The following ELP6 variants were observed in gnomAD, a reference collection of about 807,000 sequenced individuals.
The protein encoded by ELP6 is elongator complex protein 6.
A neutral mutation model predicts 28.1 loss-of-function variants in ELP6; 23 were observed. The observed-to-expected ratio is 0.82, with a 90% CI of 0.59 to 1.16. The LOEUF is 1.16. Ranked by LOEUF, ELP6 falls within the 50% of genes most tolerant of loss-of-function variation. ELP6 has a pLI of 0.00. For synonymous variants in ELP6, 132 were observed against 135.8 expected (o/e 0.97, Z 0.19); for missense variants, 313 against 334.6 (o/e 0.94, Z 0.50).
chr3:47,508,023 A>G (rs559902112), intron 3 of ELP6, among the ~76,000 whole-genome samples: 42 of 82,884 alleles, frequency 5.1e-4, no homozygotes, highest in African/African-American at 1.6e-3. Flanking sequence ...GCCATGCTGC[A>G]GAGCCCTGGA....
Position 47,499,689 on chromosome 3 carries a change from G to A in ELP6, c.526-1257C>T, listed in dbSNP as rs747343979. On this transcript the variant is annotated intron_variant, in intron 5 of 6. Transcript: ENST00000296149. ...GCCTGGGCAACAAGAGCAAAACTCCGTCTCAAAAAAAAAAAAAAAAAAAAA... is the reference window on the plus strand; with the variant it reads ...GCCTGGGCAACAAGAGCAAAACTCCATCTCAAAAAAAAAAAAAAAAAAAAA... The A allele has an allele frequency of 3.6e-3, 2,726 of 761,418 alleles. 7 individuals carry two copies. The highest frequency in any genetic ancestry group is 8.9e-3 in the Admixed American group (42 of 4,698). 47.2% of individuals were successfully genotyped at this position (761,418 alleles called of 1,614,324 possible).
At chr3:47,513,135 C>A (rs1048113317) in intron 1 of ELP6, 2 of 845,944 alleles carry the variant, frequency 2.4e-6, no homozygotes, top group African/African-American at 1.8e-5. Flanking sequence ...AGATTACAGG[C>A]ATGAGCCACC....
intron 5 of ELP6, chr3:47,499,774 C>T: frequency 1.9e-6 from 2 of 1,046,366 alleles, no homozygotes; most frequent in Non-Finnish European, 2.3e-6. Context: ...AGCAGCATGG[C>T]CAGGCCGGGG....
At chr3:47,500,035 A>G (rs1708601367) in intron 5 of ELP6, 1 of 1,289,314 alleles carries the variant, frequency 7.8e-7, no homozygotes, top group African/African-American at 1.5e-5. Flanking sequence ...GCTCTCGCAC[A>G]TCCATGCTTT....
intron 4 of ELP6, among the ~76,000 whole-genome samples, chr3:47,502,759 G>A (rs188162692): frequency 9.9e-5 from 15 of 152,100 alleles, no homozygotes; most frequent in Non-Finnish European, 1.6e-4. Context: ...AGGAGTGCTT[G>A]AGCCGAGGAA....
At chr3:47,510,537 T>C (rs1486487671) in intron 2 of ELP6, among the ~76,000 whole-genome samples, 2 of 152,188 alleles carry the variant, frequency 1.3e-5, no homozygotes, top group Non-Finnish European at 2.9e-5. Context: ...GGCACAATCA[T>C]GGCTCACTGC....
chr3:47,499,518 CAAA>C (rs36125510), intron 5 of ELP6, among the ~76,000 whole-genome samples: 2 of 17,002 alleles, frequency 1.2e-4, no homozygotes, highest in South Asian at 3.4e-3. Flanking sequence ...GAGTCCATCT[CAAA>C]AAAAAAAAAA....
chr3:47,509,063 C>A (rs1274945105), intron 3 of ELP6, among the ~76,000 whole-genome samples: 1 of 151,676 alleles, frequency 6.6e-6, no homozygotes, highest in African/African-American at 2.4e-5. Context: ...CGTGCCCAGC[C>A]TTTTTTTTCC....
At chr3:47,501,628 G>A in intron 5 of ELP6, 22 bp downstream of exon 5, 10 of 1,612,600 alleles carry the variant, frequency 6.2e-6, no homozygotes, top group Non-Finnish European at 8.5e-6. Context: ...GGTGGGCGCA[G>A]AGAAGGCAGT....
At chr3:47,512,506 G>T in intron 1 of ELP6, 1 of 656,354 alleles carries the variant, frequency 1.5e-6, no homozygotes, top group Non-Finnish European at 1.9e-6. Flanking sequence ...AGCCGAGATC[G>T]CGCCAGTGCA....
At chr3:47,503,182 T>C (rs932705668) in intron 4 of ELP6, 85 of 1,153,026 alleles carry the variant, frequency 7.4e-5, no homozygotes, top group Non-Finnish European at 8.7e-5. Flanking sequence ...AAGTCAGAGA[T>C]GCTAAGGGAT....
Position 47,496,112 on chromosome 3 carries a change from C to A in ELP6, c.758G>T (p.Ser253Ile). The change falls in exon 7 of 7, where the codon AGC becomes ATC. Residue 253 changes from serine to isoleucine, a missense_variant. Ser to Ile is a moderately radical substitution (Grantham distance 142, BLOSUM62 -2). Coordinates refer to ENST00000296149, the MANE Select transcript of ELP6 (RefSeq NM_001031703.3). Reference sequence around the variant, plus strand: ...CATTCCTTTGGCAAAAAAGGACACGCTTTTGTCCTGTATCTTATACTGGTA... The same window carrying A: ...CATTCCTTTGGCAAAAAAGGACACGATTTTGTCCTGTATCTTATACTGGTA... ...FTYQYKIQDKSVSFFAKGMSP... is the reference protein window; with the variant it reads ...FTYQYKIQDKIVSFFAKGMSP... 2 of 1,614,156 alleles carry A rather than the reference C, an allele frequency of 1.2e-6. No individual in the cohort carries two copies. The highest frequency in any genetic ancestry group is 1.7e-6 in the Non-Finnish European group (2 of 1,180,026).
At chr3:47,500,370 T>A (rs1327665599) in intron 5 of ELP6, 2 of 310,186 alleles carry the variant, frequency 6.4e-6, no homozygotes, top group Non-Finnish European at 9.5e-6. Flanking sequence ...GGCAACATAG[T>A]GAGACCAAGT....
At position 47,513,302 on chromosome 3, in the gene ELP6, G is replaced by T. The variant is rs911983367; in HGVS notation, c.54+235C>A. 47 of 1,350,622 alleles carry T rather than the reference G, an allele frequency of 3.5e-5. No homozygotes were observed. In the African/African-American group the frequency reaches 6.1e-4, roughly 18 times the overall value. 83.7% of individuals were successfully genotyped at this position (1,350,622 alleles called of 1,614,324 possible). On this transcript the variant is annotated intron_variant, in intron 1 of 6. Coordinates refer to ENST00000296149, the MANE Select transcript of ELP6 (RefSeq NM_001031703.3). ...CCACCGCGCCCGGCCGCTTCCCAGG[G>T]ACTTTTAAGGACACGCACAGCCGTT...
At chr3:47,500,197 A>G in intron 5 of ELP6, 1 of 1,120,252 alleles carries the variant, frequency 8.9e-7, no homozygotes, top group Non-Finnish European at 1.1e-6. Flanking sequence ...AATGGACAAC[A>G]AAATATACCG....
At chr3:47,502,276 G>T in intron 4 of ELP6, 2 of 334,256 alleles carry the variant, frequency 6.0e-6, no homozygotes, top group Non-Finnish European at 8.5e-6. Context: ...CAGGTGTGGT[G>T]GCGCACACCT....
chr3:47,504,266 C>T (rs1708757849), intron 4 of ELP6, 64 bp downstream of exon 4: 2 of 1,509,910 alleles, frequency 1.3e-6, no homozygotes, highest in Admixed American at 2.1e-5. Context: ...ACACAGCAAC[C>T]AGGAACCCTG....
chr3:47,495,964 A>G lies in ELP6; in HGVS notation c.*105T>C. On this transcript the variant is annotated 3_prime_UTR_variant, in exon 7 of 7. Transcript: ENST00000296149. ...CTGGTCACAGTGGAGTCGCCGGTCCAGCCTGAAATATTACTACAGAGGAGA... is the reference window on the plus strand; with the variant it reads ...CTGGTCACAGTGGAGTCGCCGGTCCGGCCTGAAATATTACTACAGAGGAGA... 1 of 1,588,106 alleles carries G rather than the reference A, an allele frequency of 6.3e-7. No individual in the cohort carries two copies. The highest frequency in any genetic ancestry group is 8.6e-7 in the Non-Finnish European group (1 of 1,168,452).
intron 1 of ELP6, chr3:47,512,617 G>A: frequency 1.0e-6 from 1 of 985,414 alleles, no homozygotes; most frequent in Non-Finnish European, 1.2e-6. Context: ...ACGTTAAAAT[G>A]TGAAAGGTTT....
Sources: allele counts gnomAD v4.1 joint callset (sites outside exome capture counted in the v4.1 genomes callset), GRCh38; gene constraint gnomAD v4.1.1; transcripts MANE v1.5; gene names NCBI Gene and HGNC (gene_info 2026-07-23, HGNC 2026-07-21).